ELOVL2: variants seen among roughly 807,000 people sequenced by gnomAD.
ELOVL2 encodes the protein ELOVL fatty acid elongase 2.
Under a neutral mutation model 37.7 loss-of-function variants are expected in ELOVL2, and 38 were observed. The ratio of observed to expected loss-of-function variants is 1.01; its 90% confidence interval spans 0.78 to 1.32. The LOEUF is 1.32. ELOVL2 is among the 40% of genes most tolerant of loss of function. The probability of loss-of-function intolerance (pLI) is 0.00; values close to 1 mark genes in which losing one functional copy is unlikely to be tolerated. For synonymous variants in ELOVL2, 115 were observed against 122.3 expected (o/e 0.94, Z 0.40); for missense variants, 352 against 363.6 (o/e 0.97, Z 0.26).
intron 2 of ELOVL2, among the ~76,000 whole-genome samples, chr6:11,008,617 G>T (rs979142560): frequency 6.6e-6 from 1 of 152,018 alleles, no homozygotes; most frequent in Non-Finnish European, 1.5e-5. Context: ...TAAGGGAGAG[G>T]GTCATGCCCT....
chr6:10,985,194 C>T (rs963602326), intron 7 of ELOVL2, among the ~76,000 whole-genome samples: 29 of 151,772 alleles, frequency 1.9e-4, no homozygotes, highest in Admixed American at 1.7e-3. Flanking sequence ...TGTCTTTCGC[C>T]CACTTTTTGA....
chr6:11,030,285 T>A (rs926546323), intron 1 of ELOVL2, among the ~76,000 whole-genome samples: 2 of 152,066 alleles, frequency 1.3e-5, no homozygotes, highest in African/African-American at 4.8e-5. Flanking sequence ...AAGAAAACAA[T>A]AGAAGGCCCT....
intron 2 of ELOVL2, among the ~76,000 whole-genome samples, chr6:11,007,657 A>C (rs1782502565): frequency 6.6e-6 from 1 of 152,166 alleles, no homozygotes; most frequent in Non-Finnish European, 1.5e-5. Flanking sequence ...CTAGGAAACA[A>C]ACACACATGG....
At chr6:11,034,721 G>A (rs746046323) in intron 1 of ELOVL2, among the ~76,000 whole-genome samples, 1 of 144,324 alleles carries the variant, frequency 6.9e-6, no homozygotes, top group Non-Finnish European at 1.5e-5. Flanking sequence ...CACTTATTAG[G>A]GCTAAATGTG....
chr6:11,007,557 C>T lies in ELOVL2; in HGVS notation c.68-1998G>A, dbSNP rs547998157. ...CAGAGGGAACAAGGCTCTGCTGACA[C>T]CTTGATTTCAGACTGTTGGCCTCCA... On this transcript the variant is annotated intron_variant, in intron 2 of 7. Transcript: ENST00000354666. Among the ~76,000 whole-genome samples, 26 of 152,296 alleles carry T rather than the reference C, an allele frequency of 1.7e-4. 1 individual carries two copies. In the South Asian group the frequency reaches 5.0e-3, roughly 29 times the overall value.
chr6:10,990,229 C>T (rs1782128442), intron 6 of ELOVL2, 89 bp downstream of exon 6: 1 of 1,527,112 alleles, frequency 6.5e-7, no homozygotes, highest in Non-Finnish European at 8.8e-7. Flanking sequence ...CCTCATCACA[C>T]ATAAAAAGCC....
chr6:10,999,112 G>A (rs925123726), intron 4 of ELOVL2, among the ~76,000 whole-genome samples: 3 of 152,188 alleles, frequency 2.0e-5, no homozygotes, highest in South Asian at 2.1e-4. Context: ...CACTAGGGGC[G>A]TTCAGTCAAA....
At chr6:11,006,671 GCT>G (rs1782488965) in intron 2 of ELOVL2, among the ~76,000 whole-genome samples, 1 of 152,176 alleles carries the variant, frequency 6.6e-6, no homozygotes, top group Admixed American at 6.5e-5. Flanking sequence ...GCCTTCTGAA[GCT>G]CTGACTGTCC....
chr6:10,982,886 T>G lies in ELOVL2; in HGVS notation c.*895A>C, dbSNP rs1424530163. Reference sequence around the variant, plus strand: ...ACTCTGCTACTTCTGCTAGTTCTGATTTATACATATTCCAGCAGCATGCAT... The same window carrying G: ...ACTCTGCTACTTCTGCTAGTTCTGAGTTATACATATTCCAGCAGCATGCAT... On this transcript the variant is annotated 3_prime_UTR_variant, in exon 8 of 8. Coordinates refer to ENST00000354666, the MANE Select transcript of ELOVL2 (RefSeq NM_017770.4). The G allele has an allele frequency of 2.0e-5, 3 of 152,240 alleles. No homozygotes were observed. Among genetic ancestry groups the G allele is most frequent in the Non-Finnish European group, 4.4e-5 (3 of 68,048 alleles). The allele number at this position is 152,240 out of a possible 1,614,324, so 9.4% of individuals were successfully genotyped here. A position where few individuals can be genotyped will look rare whatever the true frequency, so the allele number is the denominator to read the frequency against.
At chr6:10,999,065 C>A (rs563832300) in intron 4 of ELOVL2, among the ~76,000 whole-genome samples, 1 of 152,044 alleles carries the variant, frequency 6.6e-6, no homozygotes, top group African/African-American at 2.4e-5. Flanking sequence ...ATGTTATTAA[C>A]AATAAAAAAA....
intron 1 of ELOVL2, among the ~76,000 whole-genome samples, chr6:11,011,763 G>A (rs1040546834): frequency 5.3e-5 from 8 of 152,062 alleles, no homozygotes; most frequent in South Asian, 4.2e-4. Context: ...GGTGGGAGCC[G>A]GAATACTGCC....
intron 7 of ELOVL2, among the ~76,000 whole-genome samples, chr6:10,986,155 T>C (rs1581856032): frequency 6.6e-6 from 1 of 152,184 alleles, no homozygotes; most frequent in East Asian, 1.9e-4. Flanking sequence ...TGTTTGTCTG[T>C]TATTGGTGTA....
At chr6:11,030,648 C>T (rs888527890) in intron 1 of ELOVL2, among the ~76,000 whole-genome samples, 22 of 152,036 alleles carry the variant, frequency 1.4e-4, no homozygotes, top group African/African-American at 5.3e-4. Flanking sequence ...CCCGCCACCA[C>T]GCCCGGCTAA....
intron 1 of ELOVL2, among the ~76,000 whole-genome samples, chr6:11,026,909 A>C (rs1409336790): frequency 1.3e-5 from 2 of 152,238 alleles, no homozygotes; most frequent in Non-Finnish European, 2.9e-5. Context: ...TTTATGGTGC[A>C]TATGATGTGA....
intron 1 of ELOVL2, 56 bp from the exon 2 acceptor site, chr6:11,010,865 G>A: frequency 1.4e-6 from 2 of 1,387,436 alleles, no homozygotes; most frequent in East Asian, 2.3e-5. Flanking sequence ...TTTTGAAACG[G>A]TCAAAACAAG....
chr6:11,027,454 C>T lies in ELOVL2; in HGVS notation c.4-16645G>A, dbSNP rs1397349204. ...TACAATAATTCTGATAGAAATTTAC[C>T]CACCTTACTGGAAAGACTTCTTACT... On this transcript the variant is annotated intron_variant, in intron 1 of 7. Transcript: ENST00000354666. Among the ~76,000 whole-genome samples, 5 of 152,122 alleles carry T rather than the reference C, an allele frequency of 3.3e-5. No individual in the cohort carries two copies. In the East Asian group the frequency reaches 7.7e-4, roughly 23 times the overall value.
At chr6:11,002,536 A>G (rs539062546) in intron 3 of ELOVL2, among the ~76,000 whole-genome samples, 22 of 152,198 alleles carry the variant, frequency 1.4e-4, no homozygotes, top group Non-Finnish European at 2.5e-4. Context: ...GTGGCAATCA[A>G]TGGTAGTGAT....
At chr6:11,042,091 T>A (rs1474075960) in intron 1 of ELOVL2, among the ~76,000 whole-genome samples, 2 of 152,068 alleles carry the variant, frequency 1.3e-5, no homozygotes, top group African/African-American at 2.4e-5. Context: ...TGGGTGTTGA[T>A]CACTTGAGGT....
chr6:11,031,120 G>T lies in ELOVL2; in HGVS notation c.3+13108C>A, dbSNP rs144900498. Among the ~76,000 whole-genome samples the T allele has an allele frequency of 3.3e-4, 50 of 152,162 alleles. No individual in the cohort carries two copies. In the East Asian group the frequency reaches 9.5e-3, roughly 29 times the overall value. On this transcript the variant is annotated intron_variant, in intron 1 of 7. Transcript: ENST00000354666. ...TATTCATGTTGACACGGCAGCTCTGGCTCATTCACTGTAACTGTTGTATAG... is the reference window on the plus strand; with the variant it reads ...TATTCATGTTGACACGGCAGCTCTGTCTCATTCACTGTAACTGTTGTATAG...
Sources: gnomAD v4.1 joint callset for allele counts (sites outside exome capture counted in the v4.1 genomes callset) on GRCh38, gnomAD v4.1.1 for gene constraint, MANE v1.5 for transcripts, NCBI Gene and HGNC (gene_info 2026-07-23, HGNC 2026-07-21) for gene names.